Variants in GULP1 observed in about 807,000 individuals in gnomAD.
The protein encoded by GULP1 is PTB domain-containing engulfment adapter protein 1.
A neutral mutation model predicts 40.9 loss-of-function variants in GULP1; 19 were observed. The ratio of observed to expected loss-of-function variants is 0.46; its 90% confidence interval spans 0.32 to 0.68. The LOEUF is 0.68. Among genes scored for constraint, GULP1 ranks in the 30% least tolerant of loss-of-function variants. The probability of loss-of-function intolerance (pLI) is 0.03; values close to 1 mark genes in which losing one functional copy is unlikely to be tolerated. For missense variants in GULP1, 312 were observed against 362.2 expected, an observed-to-expected ratio of 0.86 and a Z score of 1.12; for synonymous variants, 119 against 117.6, an observed-to-expected ratio of 1.01 and a Z score of -0.08.
At chr2:188,313,186 T>C (rs1574327893) in intron 1 of GULP1, among the ~76,000 whole-genome samples, 1 of 152,336 alleles carries the variant, frequency 6.6e-6, no homozygotes, top group South Asian at 2.1e-4. Flanking sequence ...TGTTATGAAG[T>C]CTTTGTCCAT....
intron 2 of GULP1, among the ~76,000 whole-genome samples, chr2:188,467,241 A>C (rs2152990168): frequency 6.6e-6 from 1 of 152,360 alleles, no homozygotes; most frequent in East Asian, 1.9e-4. Flanking sequence ...AACAAAGAGT[A>C]GAGAGTTCTT....
intron 7 of GULP1, among the ~76,000 whole-genome samples, chr2:188,563,467 A>G (rs947464240): frequency 1.3e-5 from 2 of 150,524 alleles, no homozygotes; most frequent in African/African-American, 4.8e-5. Context: ...GAAAATCTGA[A>G]TATATAAAAT....
intron 7 of GULP1, among the ~76,000 whole-genome samples, chr2:188,560,111 T>A (rs764074720): frequency 1.5e-4 from 23 of 152,200 alleles, no homozygotes; most frequent in Admixed American, 9.2e-4. Flanking sequence ...TTTTCTAAAC[T>A]TTTATGCTGT....
intron 4 of GULP1, among the ~76,000 whole-genome samples, chr2:188,521,371 C>T (rs1000199682): frequency 5.9e-5 from 9 of 152,028 alleles, no homozygotes; most frequent in African/African-American, 2.2e-4. Flanking sequence ...TCAGGTTTTA[C>T]TTAAACACAC....
intron 2 of GULP1, among the ~76,000 whole-genome samples, chr2:188,476,516 T>TTA (rs58489433): frequency 0.021 from 3,160 of 152,224 alleles, 100 homozygotes; most frequent in African/African-American, 0.072. Flanking sequence ...GTCTCTAGGT[T>TTA]ATCAAGGAAG....
intron 1 of GULP1, among the ~76,000 whole-genome samples, chr2:188,363,654 C>T (rs1053147588): frequency 6.6e-6 from 1 of 152,102 alleles, no homozygotes; most frequent in Non-Finnish European, 1.5e-5. Flanking sequence ...TACATTTTAA[C>T]ACTCTTTTGA....
chr2:188,524,661 TA>T (rs1449664552), intron 5 of GULP1, among the ~76,000 whole-genome samples: 1 of 151,236 alleles, frequency 6.6e-6, no homozygotes, highest in Admixed American at 6.6e-5. Flanking sequence ...CAAAGTATAC[TA>T]AGAATATTTT....
At chr2:188,498,108 A>G (rs1349492014) in intron 4 of GULP1, among the ~76,000 whole-genome samples, 1 of 151,980 alleles carries the variant, frequency 6.6e-6, no homozygotes, top group Admixed American at 6.6e-5. Context: ...AAGAGCCAGT[A>G]GAAATTATCT....
At chr2:188,337,259 C>T (rs1340504471) in intron 1 of GULP1, among the ~76,000 whole-genome samples, 3 of 151,904 alleles carry the variant, frequency 2.0e-5, no homozygotes, top group African/African-American at 7.3e-5. Flanking sequence ...CTTTCTCAGC[C>T]TCCTGAGTAG....
chr2:188,333,776 C>A (rs1444268033), intron 1 of GULP1, among the ~76,000 whole-genome samples: 1 of 152,106 alleles, frequency 6.6e-6, no homozygotes, highest in African/African-American at 2.4e-5. Flanking sequence ...TGCCCTCAAG[C>A]CTGTGAACAG....
intron 2 of GULP1, among the ~76,000 whole-genome samples, chr2:188,399,262 A>G (rs1490473698): frequency 2.0e-5 from 3 of 152,316 alleles, no homozygotes; most frequent in East Asian, 3.9e-4. Flanking sequence ...TCTAGAGATC[A>G]GGAAGTGGAG....
chr2:188,320,703 A>G (rs909009319), intron 1 of GULP1, among the ~76,000 whole-genome samples: 1 of 152,140 alleles, frequency 6.6e-6, no homozygotes, highest in Non-Finnish European at 1.5e-5. Context: ...TGGATTTTCT[A>G]TACATAATCC....
intron 1 of GULP1, among the ~76,000 whole-genome samples, chr2:188,382,333 A>T (rs559774085): frequency 6.6e-6 from 1 of 152,216 alleles, no homozygotes; most frequent in East Asian, 1.9e-4. Flanking sequence ...TGAGGGGTGT[A>T]TTTCACAGTG....
intron 2 of GULP1, among the ~76,000 whole-genome samples, chr2:188,422,266 A>G (rs1043332139): frequency 3.3e-5 from 5 of 151,888 alleles, no homozygotes; most frequent in South Asian, 4.1e-4. Context: ...AGTGATTAAT[A>G]TACCCAGGAA....
Position 188,593,929 on chromosome 2 carries a change from C to G in GULP1, c.844-11C>G, listed in dbSNP as rs1704083605. On this transcript the variant is annotated splice_polypyrimidine_tract_variant and intron_variant, in intron 11 of 11. Transcript: ENST00000409830. The stretch of plus-strand genomic sequence containing the variant: ...CATTTCAGATATTAATTATTTTATT[C>G]TGTTTTACAGGAGGGGTTCAAAATG... 12 of 1,476,558 alleles carry G rather than the reference C, an allele frequency of 8.1e-6. No homozygotes were observed. Among genetic ancestry groups the G allele is most frequent in the Non-Finnish European group, 1.1e-5 (12 of 1,058,050 alleles). 91.5% of individuals were successfully genotyped at this position (1,476,558 alleles called of 1,614,324 possible).
intron 2 of GULP1, among the ~76,000 whole-genome samples, chr2:188,404,760 C>T (rs191896200): frequency 4.5e-4 from 68 of 152,272 alleles, no homozygotes; most frequent in African/African-American, 1.2e-3. Context: ...CAGGCCAGCC[C>T]CCGAGTCTCC....
chr2:188,419,606 T>TA (rs370205769), intron 2 of GULP1, among the ~76,000 whole-genome samples: 37 of 152,204 alleles, frequency 2.4e-4, no homozygotes, highest in African/African-American at 7.7e-4. Context: ...TTTTGGAGAT[T>TA]ATCCTCATAA....
intron 5 of GULP1, among the ~76,000 whole-genome samples, chr2:188,525,861 C>G (rs1376279034): frequency 6.6e-6 from 1 of 152,078 alleles, no homozygotes; most frequent in Non-Finnish European, 1.5e-5. Context: ...CAATCAGTTA[C>G]CTAATTAATA....
chr2:188,363,166 A>G (rs530186379), intron 1 of GULP1, among the ~76,000 whole-genome samples: 2 of 150,978 alleles, frequency 1.3e-5, no homozygotes, highest in African/African-American at 5.0e-5. Context: ...TTTCAAGTGT[A>G]TTTGTAAGAA....
Sources: allele counts gnomAD v4.1 joint callset (sites outside exome capture counted in the v4.1 genomes callset), GRCh38; gene constraint gnomAD v4.1.1; transcripts MANE v1.5; gene names NCBI Gene and HGNC (gene_info 2026-07-23, HGNC 2026-07-21).